The following PTPRA variants were observed in gnomAD, a reference collection of about 807,000 sequenced individuals.
The protein encoded by PTPRA is protein tyrosine phosphatase receptor type A.
In PTPRA, 25 loss-of-function variants were observed where a neutral mutation model predicts 104.8. The ratio of observed to expected loss-of-function variants is 0.24; its 90% CI spans 0.17 to 0.33. The LOEUF (loss-of-function observed/expected upper bound fraction) is 0.33. PTPRA is among the 10% of genes least tolerant of loss of function. The pLI is 1.00. For synonymous variants in PTPRA, 323 were observed against 368.9 expected (o/e 0.88, Z 1.43); for missense variants, 765 against 1,015.3 (o/e 0.75, Z 3.35).
At chr20:2,883,099 C>T (rs1353749749) in intron 1 of PTPRA, among the ~76,000 whole-genome samples, 1 of 151,658 alleles carries the variant, frequency 6.6e-6, no homozygotes, top group East Asian at 1.9e-4. Flanking sequence ...ATCCTCCCAC[C>T]TCAGCCTCCT....
intron 9 of PTPRA, among the ~76,000 whole-genome samples, chr20:3,001,652 AAAAT>A (rs2063631535): frequency 6.6e-6 from 1 of 152,218 alleles, no homozygotes; most frequent in Non-Finnish European, 1.5e-5. Context: ...ATTCTGATCT[AAAAT>A]AATGGTCTCT....
intron 18 of PTPRA, 82 bp from the exon 19 acceptor site, chr20:3,027,039 C>A: frequency 7.2e-7 from 1 of 1,394,154 alleles, no homozygotes; most frequent in Non-Finnish European, 9.9e-7. Flanking sequence ...TCTGTCTGCC[C>A]AGGGCCTGAG....
At chr20:2,930,897 TC>T (rs2060479834) in intron 2 of PTPRA, among the ~76,000 whole-genome samples, 1 of 152,192 alleles carries the variant, frequency 6.6e-6, no homozygotes, top group Non-Finnish European at 1.5e-5. Context: ...GTGAAGCATT[TC>T]CTATATATCA....
chr20:3,030,414 T>C (rs2065379341), intron 20 of PTPRA, among the ~76,000 whole-genome samples: 1 of 152,196 alleles, frequency 6.6e-6, no homozygotes, highest in South Asian at 2.1e-4. Context: ...GAACAGGATG[T>C]TAGTGATGTT....
At chr20:2,925,201 C>CCTT (rs1227861442) in intron 2 of PTPRA, among the ~76,000 whole-genome samples, 2 of 152,158 alleles carry the variant, frequency 1.3e-5, no homozygotes. Flanking sequence ...ATTTCCTCCT[C>CCTT]CCCCAGCTGC....
intron 3 of PTPRA, among the ~76,000 whole-genome samples, chr20:2,962,210 T>C (rs763788119): frequency 1.3e-5 from 2 of 152,208 alleles, no homozygotes; most frequent in Non-Finnish European, 2.9e-5. Flanking sequence ...TATTGAGTCT[T>C]CCTGTCCATA....
intron 1 of PTPRA, among the ~76,000 whole-genome samples, chr20:2,902,776 TG>T (rs930145363): frequency 6.6e-6 from 1 of 152,240 alleles, no homozygotes; most frequent in Non-Finnish European, 1.5e-5. Flanking sequence ...TTTTATTTTT[TG>T]TTTTTAAGCG....
In PTPRA at chr20:3,022,904, C is replaced by T; in HGVS notation, c.1464+80C>T. On this transcript the variant is annotated intron_variant, in intron 16 of 23. Transcript: ENST00000399903. This position sits in a 1 kb window ranked among gnomAD's most constrained non-coding sequence, Gnocchi z 4.6. ...CCCACATTGAGGATTCACTCAGTCT[C>T]ACAGGTTATTGTAAATGATTACTAT... The T allele has an allele frequency of 6.3e-7, 1 of 1,583,796 alleles. No individual in the cohort carries two copies. Among genetic ancestry groups the T allele is most frequent in the Non-Finnish European group, 8.6e-7 (1 of 1,162,722 alleles).
chr20:2,997,105 ATCT>A (rs2148225071), intron 9 of PTPRA, among the ~76,000 whole-genome samples: 1 of 150,430 alleles, frequency 6.6e-6, no homozygotes, highest in Non-Finnish European at 1.5e-5. Flanking sequence ...GTTCACATAG[ATCT>A]CTAAGTTATA....
intron 3 of PTPRA, among the ~76,000 whole-genome samples, chr20:2,961,584 A>C (rs1301285822): frequency 6.6e-6 from 1 of 152,144 alleles, no homozygotes; most frequent in Non-Finnish European, 1.5e-5. Context: ...TTCTCTTGGC[A>C]TTGTCTTTCA....
At chr20:2,933,584 C>T (rs1184189382) in intron 2 of PTPRA, among the ~76,000 whole-genome samples, 1 of 151,958 alleles carries the variant, frequency 6.6e-6, no homozygotes, top group African/African-American at 2.4e-5. Context: ...TCTCAGCCTC[C>T]CAAGTAGCTG....
At chr20:2,922,873 G>T (rs1168076436) in intron 1 of PTPRA, among the ~76,000 whole-genome samples, 1 of 151,288 alleles carries the variant, frequency 6.6e-6, no homozygotes, top group African/African-American at 2.4e-5. Context: ...GACCTCAAGT[G>T]ATCCACCCAC....
intron 3 of PTPRA, among the ~76,000 whole-genome samples, chr20:2,952,538 A>T (rs114105759): frequency 0.014 from 2,125 of 152,064 alleles, 47 homozygotes; most frequent in African/African-American, 0.047. Flanking sequence ...CATGTCTTTT[A>T]AAAAAAATTG....
chr20:2,933,922 A>T (rs1475305879), intron 2 of PTPRA, among the ~76,000 whole-genome samples: 1 of 152,202 alleles, frequency 6.6e-6, no homozygotes, highest in Non-Finnish European at 1.5e-5. Flanking sequence ...TCAGCCTGAG[A>T]ACAGACAAAT....
intron 2 of PTPRA, among the ~76,000 whole-genome samples, chr20:2,945,225 A>G (rs2061079921): frequency 6.6e-6 from 1 of 152,164 alleles, no homozygotes; most frequent in Non-Finnish European, 1.5e-5. Flanking sequence ...TCTTAATGCT[A>G]CAGGACTGTT....
Position 3,026,672 on chromosome 20 carries a change from C to G in PTPRA, c.1615-15C>G, listed in dbSNP as rs375964411. ...ACTGGGATCAGTAATGTTTCCCCTC[C>G]CCTTCCCAATTCAGAAGTTAACATC... On this transcript the variant is annotated splice_polypyrimidine_tract_variant and intron_variant, in intron 17 of 23. Transcript: ENST00000399903. The G allele has an allele frequency of 5.7e-6, 9 of 1,588,156 alleles. No individual in the cohort carries two copies. In the African/African-American group the frequency reaches 9.4e-5, roughly 17 times the overall value.
intron 6 of PTPRA, among the ~76,000 whole-genome samples, chr20:2,984,423 G>A (rs1026547184): frequency 4.6e-5 from 7 of 152,040 alleles, no homozygotes; most frequent in African/African-American, 1.7e-4. Context: ...GTCAAATCTG[G>A]TTTCACTTCT....
intron 3 of PTPRA, among the ~76,000 whole-genome samples, chr20:2,949,379 G>A (rs965089248): frequency 1.0e-4 from 15 of 148,280 alleles, no homozygotes; most frequent in Non-Finnish European, 1.5e-4. Context: ...CTAAATTCTC[G>A]TAGGTTTTCT....
chr20:2,940,184 C>G lies in PTPRA; in HGVS notation c.-49-7798C>G, dbSNP rs141046140. Among the ~76,000 whole-genome samples the G allele has an allele frequency of 3.2e-3, 485 of 152,332 alleles. 1 individual carries two copies. Among genetic ancestry groups the G allele is most frequent in the Non-Finnish European group, 5.4e-3 (370 of 68,024 alleles). On this transcript the variant is annotated intron_variant, in intron 2 of 23. Transcript: ENST00000399903. ...TATGCTTACTCCATCTTTTCCTGAA[C>G]TGTAAATCCCTGCTGCAATTTTAAA...
Sources: gnomAD v4.1 joint callset for allele counts (sites outside exome capture counted in the v4.1 genomes callset) on GRCh38, gnomAD v4.1.1 for gene constraint, Gnocchi (gnomAD v3.1) non-coding constraint, MANE v1.5 for transcripts, NCBI Gene and HGNC (gene_info 2026-07-23, HGNC 2026-07-21) for gene names.